Variants in TTLL5 observed in about 807,000 individuals in gnomAD.
The protein encoded by TTLL5 is tubulin polyglutamylase TTLL5.
TTLL5 carries 132 observed loss-of-function variants against 168.4 expected under a neutral mutation model. That is an observed-to-expected ratio of 0.78 (90% CI 0.68 to 0.91). TTLL5 has a LOEUF of 0.91. Ranked by LOEUF, TTLL5 falls within the 40% of genes least tolerant of loss-of-function variation. The pLI, the probability that TTLL5 is intolerant of heterozygous loss-of-function variation, is 0.00. For synonymous variants in TTLL5, 546 were observed against 558.6 expected (o/e 0.98, Z 0.32); for missense variants, 1,545 against 1,581.5 (o/e 0.98, Z 0.39).
At chr14:75,877,653 G>A (rs2031568761) in intron 29 of TTLL5, among the ~76,000 whole-genome samples, 2 of 152,228 alleles carry the variant, frequency 1.3e-5, no homozygotes, top group African/African-American at 4.8e-5. Context: ...TGATGGTGCA[G>A]CTCCTATGCC....
chr14:75,712,358 T>C (rs936351177), intron 9 of TTLL5: 1 of 150,482 alleles, frequency 6.6e-6, no homozygotes, highest in Non-Finnish European at 1.5e-5. Flanking sequence ...TGGCCTTCTC[T>C]TTTCTTGGTA....
intron 18 of TTLL5, among the ~76,000 whole-genome samples, chr14:75,755,287 TAATA>T: frequency 6.6e-6 from 1 of 151,112 alleles, no homozygotes; most frequent in Admixed American, 6.6e-5. Context: ...ATAATAATAA[TAATA>T]ATAATAATAA....
intron 7 of TTLL5, among the ~76,000 whole-genome samples, chr14:75,699,489 G>T (rs533453456): frequency 1.3e-5 from 2 of 152,188 alleles, no homozygotes; most frequent in South Asian, 4.1e-4. Context: ...AAAGACACTT[G>T]ATCAGATTTT....
At chr14:75,735,410 C>T (rs1025728536) in intron 15 of TTLL5, 121 bp downstream of exon 15, 6 of 880,424 alleles carry the variant, frequency 6.8e-6, no homozygotes, top group Middle Eastern at 2.5e-4. Context: ...ATTTGGGGAT[C>T]ACTCTAGACA....
chr14:75,832,858 C>T (rs1490330586), intron 28 of TTLL5, among the ~76,000 whole-genome samples: 1 of 152,176 alleles, frequency 6.6e-6, no homozygotes, highest in African/African-American at 2.4e-5. Flanking sequence ...CTGCAAGCTC[C>T]TCCTTTTGGA....
intron 28 of TTLL5, among the ~76,000 whole-genome samples, chr14:75,845,678 G>A (rs979588308): frequency 2.6e-5 from 4 of 152,130 alleles, no homozygotes; most frequent in East Asian, 1.9e-4. Context: ...TGTTATCCTC[G>A]TGTGTAAATG....
At chr14:75,904,518 T>A (rs1234983379) in intron 31 of TTLL5, among the ~76,000 whole-genome samples, 1 of 152,178 alleles carries the variant, frequency 6.6e-6, no homozygotes, top group South Asian at 2.1e-4. Flanking sequence ...ACTTGGGTGG[T>A]CAGGTGGGTC....
At chr14:75,676,785 T>C (rs78687276) in intron 3 of TTLL5, among the ~76,000 whole-genome samples, 1 of 151,834 alleles carries the variant, frequency 6.6e-6, no homozygotes, top group Non-Finnish European at 1.5e-5. Context: ...TTTTTTTTTT[T>C]TCTGAAACAG....
chr14:75,674,376 T>G (rs1883982855), intron 3 of TTLL5, among the ~76,000 whole-genome samples: 1 of 152,212 alleles, frequency 6.6e-6, no homozygotes, highest in African/African-American at 2.4e-5. Flanking sequence ...CTGACACAGA[T>G]CTGTTCAGAT....
chr14:75,790,276 T>G (rs1892620409), intron 26 of TTLL5, among the ~76,000 whole-genome samples: 1 of 151,928 alleles, frequency 6.6e-6, no homozygotes, highest in African/African-American at 2.4e-5. Context: ...GGAGCAAAAG[T>G]AAAAACAAAA....
intron 23 of TTLL5, among the ~76,000 whole-genome samples, chr14:75,778,733 G>A (rs1891870044): frequency 6.6e-6 from 1 of 152,158 alleles, no homozygotes; most frequent in South Asian, 2.1e-4. Context: ...TTGAGAAGCT[G>A]CTACAGATGT....
intron 31 of TTLL5, among the ~76,000 whole-genome samples, chr14:75,925,395 GCGC>G (rs2034005615): frequency 4.1e-5 from 1 of 24,506 alleles, no homozygotes; most frequent in Non-Finnish European, 7.4e-5. Context: ...CCGGGCAGAG[GCGC>G]TCCTCACATC....
At chr14:75,788,510 A>G (rs912235845) in intron 26 of TTLL5, among the ~76,000 whole-genome samples, 2 of 152,190 alleles carry the variant, frequency 1.3e-5, no homozygotes, top group Admixed American at 6.5e-5. Context: ...GAAAGCTTAC[A>G]TAAAATGGAC....
At chr14:75,685,038 A>AAT in intron 5 of TTLL5, 1 of 152,224 alleles carries the variant, frequency 6.6e-6, no homozygotes, top group East Asian at 1.9e-4. Context: ...ACATTTTAAA[A>AAT]ATGAGGTATT....
chr14:75,767,926 G>A (rs986511592), intron 20 of TTLL5, among the ~76,000 whole-genome samples: 1 of 152,172 alleles, frequency 6.6e-6, no homozygotes, highest in Non-Finnish European at 1.5e-5. Context: ...TTCACATTTG[G>A]AAACTTGGTG....
intron 31 of TTLL5, among the ~76,000 whole-genome samples, chr14:75,934,034 T>C (rs1328742424): frequency 6.6e-6 from 1 of 152,202 alleles, no homozygotes; most frequent in Non-Finnish European, 1.5e-5. Flanking sequence ...TATGTGACAT[T>C]TTGTTATGGC....
intron 30 of TTLL5, among the ~76,000 whole-genome samples, chr14:75,888,140 G>A (rs1202049172): frequency 1.3e-5 from 2 of 152,136 alleles, no homozygotes; most frequent in South Asian, 4.2e-4. Context: ...AGTAATCCTC[G>A]TCATTTGGAC....
intron 18 of TTLL5, among the ~76,000 whole-genome samples, chr14:75,759,750 A>G (rs1204356686): frequency 6.6e-6 from 1 of 152,114 alleles, no homozygotes. Flanking sequence ...AATTCACCAT[A>G]TTAATTACAG....
chr14:75,741,473 T>G (rs943250311), intron 15 of TTLL5, among the ~76,000 whole-genome samples: 1 of 151,846 alleles, frequency 6.6e-6, no homozygotes, highest in African/African-American at 2.4e-5. Flanking sequence ...GCGTTTGGAC[T>G]GTTTTGCCCT....
Sources: gnomAD v4.1 joint callset for allele counts (sites outside exome capture counted in the v4.1 genomes callset) on GRCh38, gnomAD v4.1.1 for gene constraint, MANE v1.5 for transcripts, NCBI Gene and HGNC (gene_info 2026-07-23, HGNC 2026-07-21) for gene names.